ENHO: variants seen among roughly 807,000 people sequenced by gnomAD.
ENHO encodes adropin.
Under a neutral mutation model 4.1 loss-of-function variants are expected in ENHO, and 5 were observed. That is an observed-to-expected ratio of 1.23 (90% confidence interval 0.64 to 2.58). ENHO has a LOEUF of 2.58. Among genes scored for constraint, ENHO ranks in the 30% most tolerant of loss-of-function variants. The probability of loss-of-function intolerance (pLI) is 0.01; values close to 1 mark genes in which losing one functional copy is unlikely to be tolerated. For synonymous variants in ENHO, 45 were observed against 42.9 expected, an observed-to-expected ratio of 1.05 and a Z score of -0.19; for missense variants, 86 against 97.7, an observed-to-expected ratio of 0.88 and a Z score of 0.51.
Position 34,522,413 on chromosome 9 carries a change from G to GGT in ENHO, c.-162+362_-162+363dup, listed in dbSNP as rs1408944915. ...CTGGGTCAGGTGTGTGTGTGTGTCT[G>GGT]GTGTCTCACTGTCCCTCCGTTGGAT... On this transcript the variant is annotated intron_variant, in intron 1 of 1. Transcript: ENST00000399775. This position sits in a 1 kb window ranked among gnomAD's most constrained non-coding sequence, Gnocchi z 4.2. 3.9e-5 allele frequency: 6 copies of GGT among 153,386 alleles called. No homozygotes were observed. Among genetic ancestry groups the GGT allele is most frequent in the Non-Finnish European group, 7.3e-5 (5 of 68,930 alleles). 9.5% of individuals were successfully genotyped at this position (153,386 alleles called of 1,614,324 possible).
Position 34,521,307 on chromosome 9 carries a change from T to C in ENHO, c.*158A>G. The C allele has an allele frequency of 2.6e-6, 2 of 758,180 alleles. No homozygotes were observed. The highest frequency in any genetic ancestry group is 2.0e-5 in the Admixed American group (1 of 50,050). The allele number at this position is 758,180 out of a possible 1,614,324, so 47.0% of individuals were successfully genotyped here. ...TCTCCTTAGGGCCACTGAGCTCCTATTGGAGCCAAGCTGGCTAGACTCTGG... is the reference window on the plus strand; with the variant it reads ...TCTCCTTAGGGCCACTGAGCTCCTACTGGAGCCAAGCTGGCTAGACTCTGG... On this transcript the variant is annotated 3_prime_UTR_variant, in exon 2 of 2. Transcript: ENST00000399775.
chr9:34,522,384 C>T lies in ENHO; in HGVS notation c.-162+393G>A. On this transcript the variant is annotated intron_variant, in intron 1 of 1. Coordinates refer to ENST00000399775, the MANE Select transcript of ENHO (RefSeq NM_198573.3). This position sits in a 1 kb window ranked among gnomAD's most constrained non-coding sequence, Gnocchi z 4.2. ...GCTGTGTGCCTCTATGTGGGGCTGC[C>T]TCTCTGGGTCAGGTGTGTGTGTGTG... 6.5e-6 allele frequency: 1 copy of T among 153,320 alleles called. No individual in the cohort carries two copies. The allele number at this position is 153,320 out of a possible 1,614,324, so 9.5% of individuals were successfully genotyped here.
chr9:34,522,133 TGC>T lies in ENHO; in HGVS notation c.-161-279_-161-278del. 6.3e-6 allele frequency: 1 copy of T among 158,588 alleles called. No homozygotes were observed. Among genetic ancestry groups the T allele is most frequent in the Admixed American group, 6.3e-5 (1 of 15,970 alleles). The allele number at this position is 158,588 out of a possible 1,614,324, so 9.8% of individuals were successfully genotyped here. On this transcript the variant is annotated intron_variant, in intron 1 of 1. Coordinates refer to ENST00000399775, the MANE Select transcript of ENHO (RefSeq NM_198573.3). The surrounding 1 kb of genome is among the most constrained non-coding windows in gnomAD (Gnocchi z 4.2). Reference sequence around the variant, plus strand: ...AGACCTGGTGGGCATGCCCTGGTCCTGCCCACCAAGCTTGCAGCCCTCAAAAG... The same window carrying T: ...AGACCTGGTGGGCATGCCCTGGTCCTCCACCAAGCTTGCAGCCCTCAAAAG...
Position 34,521,823 on chromosome 9 carries a change from T to C in ENHO, c.-128A>G. ...TGCTGTCTGCACGCTCAGTGATTCCTGGGCAGTGGAGATGTCTACCTGCAG... is the reference window on the plus strand; with the variant it reads ...TGCTGTCTGCACGCTCAGTGATTCCCGGGCAGTGGAGATGTCTACCTGCAG... On this transcript the variant is annotated 5_prime_UTR_variant, in exon 2 of 2. Coordinates refer to ENST00000399775, the MANE Select transcript of ENHO (RefSeq NM_198573.3). 2 of 778,820 alleles carry C rather than the reference T, an allele frequency of 2.6e-6. No individual in the cohort carries two copies. The highest frequency in any genetic ancestry group is 1.7e-5 in the South Asian group (1 of 57,842). 48.2% of individuals were successfully genotyped at this position (778,820 alleles called of 1,614,324 possible). A position where few individuals can be genotyped will look rare whatever the true frequency, so the allele number is the denominator to read the frequency against.
Position 34,521,422 on chromosome 9 carries a change from G to A in ENHO, c.*43C>T, listed in dbSNP as rs754104019. 2 of 1,532,276 alleles carry A rather than the reference G, an allele frequency of 1.3e-6. No homozygotes were observed. The highest frequency in any genetic ancestry group is 4.5e-5 in the East Asian group (2 of 44,498). 94.9% of individuals were successfully genotyped at this position (1,532,276 alleles called of 1,614,324 possible). A position where few individuals can be genotyped will look rare whatever the true frequency, so the allele number is the denominator to read the frequency against. The stretch of plus-strand genomic sequence containing the variant: ...GGGATCCTAATTCCAGGCTCTAGGT[G>A]AGGTGGACTTAGGTCCTGGGCTCCA... On this transcript the variant is annotated 3_prime_UTR_variant, in exon 2 of 2. Transcript: ENST00000399775.
At position 34,522,953 on chromosome 9, in the gene ENHO, CG is replaced by C. The variant is rs1825302048; in HGVS notation, c.-339del. Reference sequence around the variant, plus strand: ...CGCAGCCTCCACCGGCCGCTCCCGCCGCGGCGCGACCGGGGCGGCCTCTGCC... The same window carrying C: ...CGCAGCCTCCACCGGCCGCTCCCGCCCGGCGCGACCGGGGCGGCCTCTGCC... On this transcript the variant is annotated 5_prime_UTR_variant, in exon 1 of 2. Transcript: ENST00000399775. This position sits in a 1 kb window ranked among gnomAD's most constrained non-coding sequence, Gnocchi z 4.2. 6.6e-6 allele frequency: 1 copy of C among 151,248 alleles called. No homozygotes were observed. Among genetic ancestry groups the C allele is most frequent in the South Asian group, 2.1e-4 (1 of 4,836 alleles). 9.4% of individuals were successfully genotyped at this position (151,248 alleles called of 1,614,324 possible).
Position 34,521,775 on chromosome 9 carries a change from T to C in ENHO, c.-80A>G, listed in dbSNP as rs1825285358. 7.7e-6 allele frequency: 10 copies of C among 1,306,360 alleles called. No homozygotes were observed. Among genetic ancestry groups the C allele is most frequent in the East Asian group, 5.0e-5 (2 of 39,672 alleles). 80.9% of individuals were successfully genotyped at this position (1,306,360 alleles called of 1,614,324 possible). A position where few individuals can be genotyped will look rare whatever the true frequency, so the allele number is the denominator to read the frequency against. ...CCCATGCCGAGGCAGGACTCTGGTA[T>C]GGCCGGCCTTCAGAGGAGGCTGTGC... On this transcript the variant is annotated 5_prime_UTR_variant, in exon 2 of 2. Transcript: ENST00000399775.
rs1468790693 is a variant in ENHO at position 34,521,570 on chromosome 9, G to C, written c.126C>G (p.Asp42Glu). 6.2e-7 allele frequency: 1 copy of C among 1,614,066 alleles called. No individual in the cohort carries two copies. Among genetic ancestry groups the C allele is most frequent in the Non-Finnish European group, 8.5e-7 (1 of 1,180,032 alleles). Residue 42 changes from aspartate (D) to glutamate (E), a missense_variant, in exon 2 of 2, where the codon GAC becomes GAG. Physicochemically the swap from Asp to Glu is conservative, Grantham distance 45 (BLOSUM62 2). Coordinates refer to ENST00000399775, the MANE Select transcript of ENHO (RefSeq NM_198573.3). ...AGTTGGGACTGGATTCAGAGAGAGA[G>C]TCAACGTCGGCAGAGCGAGAATGGC... ...WACHSRSADV[D>E]SLSESSPNSS...
In ENHO at chr9:34,521,267, C is replaced by T. The variant is rs1396195274; in HGVS notation, c.*198G>A. ...TGGCTCTAGCACCAACTCATAAGCC[C>T]CCACCCCAGGCCCATCTCCTTAGGG... On this transcript the variant is annotated 3_prime_UTR_variant, in exon 2 of 2. Transcript: ENST00000399775. 1.4e-6 allele frequency: 1 copy of T among 699,082 alleles called. No individual in the cohort carries two copies. The highest frequency in any genetic ancestry group is 2.6e-6 in the Non-Finnish European group (1 of 386,820). 43.3% of individuals were successfully genotyped at this position (699,082 alleles called of 1,614,324 possible). A position where few individuals can be genotyped will look rare whatever the true frequency, so the allele number is the denominator to read the frequency against.
rs1825302486 is a variant in ENHO, at chr9:34,522,968, G to T, written c.-353C>A. The T allele has an allele frequency of 6.6e-6, 1 of 151,174 alleles. No individual in the cohort carries two copies. The highest frequency in any genetic ancestry group is 2.1e-4 in the South Asian group (1 of 4,834). 9.4% of individuals were successfully genotyped at this position (151,174 alleles called of 1,614,324 possible). The stretch of plus-strand genomic sequence containing the variant: ...CCGCTCCCGCCGCGGCGCGACCGGG[G>T]CGGCCTCTGCCGCGGGCGGTCTGCG... On this transcript the variant is annotated 5_prime_UTR_variant, in exon 1 of 2. Transcript: ENST00000399775. The surrounding 1 kb of genome is among the most constrained non-coding windows in gnomAD (Gnocchi z 4.2).
In ENHO at chr9:34,521,430, C is replaced by T. The variant is rs1408235652; in HGVS notation, c.*35G>A. 6 of 1,576,570 alleles carry T rather than the reference C, an allele frequency of 3.8e-6. No homozygotes were observed. Among genetic ancestry groups the T allele is most frequent in the Non-Finnish European group, 2.6e-6 (3 of 1,151,610 alleles). On this transcript the variant is annotated 3_prime_UTR_variant, in exon 2 of 2. Transcript: ENST00000399775. The stretch of plus-strand genomic sequence containing the variant: ...AATTCCAGGCTCTAGGTGAGGTGGA[C>T]TTAGGTCCTGGGCTCCAGGCTAGGC...
chr9:34,521,546 G>A lies in ENHO; in HGVS notation c.150C>T (p.Asn50=), dbSNP rs1372252771. 1 of 1,614,040 alleles carries A rather than the reference G, an allele frequency of 6.2e-7. No homozygotes were observed. The highest frequency in any genetic ancestry group is 1.7e-5 in the Admixed American group (1 of 60,030). The change falls in exon 2 of 2, where the codon AAC becomes AAT. Residue 50 remains asparagine, a synonymous_variant. Transcript: ENST00000399775. ...TCTCAGGACAGGGGCCAGGGCTGGA[G>A]TTGGGACTGGATTCAGAGAGAGAGT... The part of the protein sequence containing the change: ...DVDSLSESSP[N]SSPGPCPEKA...
rs1174666498 is a variant in ENHO, at chr9:34,521,291, G to A, written c.*174C>T. 4.2e-6 allele frequency: 3 copies of A among 721,176 alleles called. No homozygotes were observed. Among genetic ancestry groups the A allele is most frequent in the Non-Finnish European group, 7.4e-6 (3 of 403,626 alleles). The allele number at this position is 721,176 out of a possible 1,614,324, so 44.7% of individuals were successfully genotyped here. ...CCCCACCCCAGGCCCATCTCCTTAG[G>A]GCCACTGAGCTCCTATTGGAGCCAA... On this transcript the variant is annotated 3_prime_UTR_variant, in exon 2 of 2. Coordinates refer to ENST00000399775, the MANE Select transcript of ENHO (RefSeq NM_198573.3).
rs1048974714 is a variant in ENHO, at chr9:34,522,958, C to A, written c.-343G>T. On this transcript the variant is annotated 5_prime_UTR_variant, in exon 1 of 2. Transcript: ENST00000399775. The surrounding 1 kb of genome is among the most constrained non-coding windows in gnomAD (Gnocchi z 4.2). The stretch of plus-strand genomic sequence containing the variant: ...CCTCCACCGGCCGCTCCCGCCGCGG[C>A]GCGACCGGGGCGGCCTCTGCCGCGG... 4.8e-4 allele frequency: 73 copies of A among 151,334 alleles called. No homozygotes were observed. Among genetic ancestry groups the A allele is most frequent in the African/African-American group, 1.7e-3 (70 of 41,426 alleles). The allele number at this position is 151,334 out of a possible 1,614,324, so 9.4% of individuals were successfully genotyped here.
In ENHO at chr9:34,521,603, G is replaced by A. The variant is rs1825282714; in HGVS notation, c.93C>T (p.Cys31=). The A allele has an allele frequency of 6.2e-7, 1 of 1,613,994 alleles. No individual in the cohort carries two copies. Among genetic ancestry groups the A allele is most frequent in the Non-Finnish European group, 8.5e-7 (1 of 1,180,026 alleles). Residue 31 remains cysteine, a synonymous_variant, in exon 2 of 2, where the codon TGC becomes TGT. Coordinates refer to ENST00000399775, the MANE Select transcript of ENHO (RefSeq NM_198573.3). ...FLLLLLWVIL[C]WACHSRSADV... Reference sequence around the variant, plus strand: ...CGGCAGAGCGAGAATGGCAGGCCCAGCAGAGGATGACCCAGAGCAGCAGCA... The same window carrying A: ...CGGCAGAGCGAGAATGGCAGGCCCAACAGAGGATGACCCAGAGCAGCAGCA...
rs1352544234 is a variant in ENHO, at chr9:34,522,984, G to C, written c.-369C>G. 1 of 151,178 alleles carries C rather than the reference G, an allele frequency of 6.6e-6. No individual in the cohort carries two copies. Among genetic ancestry groups the C allele is most frequent in the Non-Finnish European group, 1.5e-5 (1 of 67,730 alleles). 9.4% of individuals were successfully genotyped at this position (151,178 alleles called of 1,614,324 possible). ...GCGACCGGGGCGGCCTCTGCCGCGGGCGGTCTGCGGTGAGCGGGCACCTCC... is the reference window on the plus strand; with the variant it reads ...GCGACCGGGGCGGCCTCTGCCGCGGCCGGTCTGCGGTGAGCGGGCACCTCC... On this transcript the variant is annotated 5_prime_UTR_variant, in exon 1 of 2. Coordinates refer to ENST00000399775, the MANE Select transcript of ENHO (RefSeq NM_198573.3). This position sits in a 1 kb window ranked among gnomAD's most constrained non-coding sequence, Gnocchi z 4.2.
chr9:34,521,945 C>T (rs1825287838), intron 1 of ENHO, 89 bp from the exon 2 acceptor site: 2 of 534,198 alleles, frequency 3.7e-6, no homozygotes, highest in Admixed American at 6.7e-5. Context: ...GAGAGCCTCC[C>T]TCCCACATTT....
chr9:34,521,566 G>C lies in ENHO; in HGVS notation c.130C>G (p.Leu44Val), dbSNP rs751596063. Reference protein sequence around the residue: ...CHSRSADVDSLSESSPNSSPG... With the variant: ...CHSRSADVDSVSESSPNSSPG... ...CTGGAGTTGGGACTGGATTCAGAGA[G>C]AGAGTCAACGTCGGCAGAGCGAGAA... The change falls in exon 2 of 2, where the codon CTC (leucine) becomes GTC (valine). Residue 44 changes from leucine (L) to valine (V), a missense_variant. Physicochemically the swap from Leu to Val is conservative, Grantham distance 32. Transcript: ENST00000399775. The C allele has an allele frequency of 3.1e-6, 5 of 1,614,072 alleles. No homozygotes were observed. The highest frequency in any genetic ancestry group is 1.7e-5 in the Admixed American group (1 of 60,030).
At position 34,522,941 on chromosome 9, in the gene ENHO, G is replaced by A. The variant is rs1185607727; in HGVS notation, c.-326C>T. On this transcript the variant is annotated 5_prime_UTR_variant, in exon 1 of 2. Transcript: ENST00000399775. The surrounding 1 kb of genome is among the most constrained non-coding windows in gnomAD (Gnocchi z 4.2). ...CCCCCTCGGCCGCGCAGCCTCCACC[G>A]GCCGCTCCCGCCGCGGCGCGACCGG... 1 of 150,810 alleles carries A rather than the reference G, an allele frequency of 6.6e-6. No individual in the cohort carries two copies. Among genetic ancestry groups the A allele is most frequent in the Non-Finnish European group, 1.5e-5 (1 of 67,560 alleles). 9.3% of individuals were successfully genotyped at this position (150,810 alleles called of 1,614,324 possible). A position where few individuals can be genotyped will look rare whatever the true frequency, so the allele number is the denominator to read the frequency against.
Sources: allele counts gnomAD v4.1 joint callset, GRCh38; gene constraint gnomAD v4.1.1; non-coding constraint Gnocchi (gnomAD v3.1); transcripts MANE v1.5; gene names NCBI Gene and HGNC (gene_info 2026-07-23, HGNC 2026-07-21).